The following TBXAS1 variants were observed in gnomAD, a reference collection of about 807,000 sequenced individuals.
TBXAS1 encodes the protein thromboxane A synthase 1, also known as thromboxane-A synthase.
TBXAS1 carries 48 observed loss-of-function variants against 60.7 expected under a neutral mutation model. That is an observed-to-expected ratio of 0.79 (90% CI 0.63 to 1.01). The LOEUF (loss-of-function observed/expected upper bound fraction) is 1.01. Among genes scored for constraint, TBXAS1 ranks in the 50% least tolerant of loss-of-function variants. The pLI is 0.00. For synonymous variants in TBXAS1, 287 were observed against 269.7 expected (o/e 1.06, Z -0.63); for missense variants, 685 against 686.3 (o/e 1.00, Z 0.02).
Position 139,969,457 on chromosome 7 carries a change from CAAAA to C in TBXAS1, c.1134+7246_1134+7249del, listed in dbSNP as rs71170928. ...GAAAAAAAAGCATATTATGTGCTTA[CAAAA>C]AAAAAAAAAAAAAAAAAAAAAGCCG... is the stretch of plus-strand genomic sequence containing the variant. On this transcript the variant is annotated intron_variant, in intron 9 of 12. Transcript: ENST00000448866. 1.8e-4 allele frequency among the ~76,000 whole-genome samples: 18 copies of C among 101,024 alleles called. No homozygotes were observed. In the East Asian group the frequency reaches 2.8e-3, roughly 16 times the overall value. The allele number at this position is 101,024 out of a possible 152,430, so 66.3% of individuals were successfully genotyped here. A position where few individuals can be genotyped will look rare whatever the true frequency, so the allele number is the denominator to read the frequency against.
chr7:139,983,250 A>G (rs1460833203), intron 9 of TBXAS1, among the ~76,000 whole-genome samples: 2 of 152,172 alleles, frequency 1.3e-5, no homozygotes, highest in Non-Finnish European at 2.9e-5. Context: ...TTGGTGCCTC[A>G]GGAGGTCTCA....
At chr7:139,797,707 G>A (rs1797609654) in intron 4 of TBXAS1, among the ~76,000 whole-genome samples, 1 of 152,146 alleles carries the variant, frequency 6.6e-6, no homozygotes, top group Admixed American at 6.5e-5. Flanking sequence ...GGAAAAGGTA[G>A]ACGAATGAAG....
intron 9 of TBXAS1, among the ~76,000 whole-genome samples, chr7:139,994,380 A>G (rs1378760465): frequency 1.3e-5 from 2 of 152,162 alleles, no homozygotes; most frequent in East Asian, 1.9e-4. Context: ...TGGTCTCCCA[A>G]TGCCAGCTGA....
rs569539874 is a variant in TBXAS1, at chr7:139,904,015, G to A, written c.237-7210G>A. On this transcript the variant is annotated intron_variant, in intron 3 of 12. Transcript: ENST00000448866. Reference sequence around the variant, plus strand: ...CATTTGCTTTTGGGTTCTTGGTCACGAAATCCTTGTCTAAACCAATGTCTA... The same window carrying A: ...CATTTGCTTTTGGGTTCTTGGTCACAAAATCCTTGTCTAAACCAATGTCTA... 7.9e-5 allele frequency among the ~76,000 whole-genome samples: 12 copies of A among 152,122 alleles called. No individual in the cohort carries two copies. The South Asian group carries it at 8.3e-4, about 11-fold the overall frequency.
intron 4 of TBXAS1, among the ~76,000 whole-genome samples, chr7:139,796,548 A>G (rs1797577447): frequency 6.6e-6 from 1 of 152,250 alleles, no homozygotes; most frequent in Non-Finnish European, 1.5e-5. Context: ...CCTGTCTGGT[A>G]CTGCAATGGT....
intron 4 of TBXAS1, among the ~76,000 whole-genome samples, chr7:139,928,187 G>A (rs1241013884): frequency 2.6e-5 from 4 of 152,142 alleles, no homozygotes; most frequent in Non-Finnish European, 5.9e-5. Flanking sequence ...ACTGAAAGTT[G>A]TTATTATGAA....
At chr7:139,873,101 A>G (rs529097746) in intron 2 of TBXAS1, among the ~76,000 whole-genome samples, 14 of 152,214 alleles carry the variant, frequency 9.2e-5, no homozygotes, top group Non-Finnish European at 1.2e-4. Flanking sequence ...GAACTTCCTG[A>G]AGAAGGAGGT....
At chr7:139,889,135 C>T (rs930533116) in intron 3 of TBXAS1, among the ~76,000 whole-genome samples, 1 of 151,820 alleles carries the variant, frequency 6.6e-6, no homozygotes, top group Non-Finnish European at 1.5e-5. Context: ...GAGTTTGAGA[C>T]AGCCTGGGCA....
chr7:139,960,226 G>T (rs1020034373), intron 8 of TBXAS1, among the ~76,000 whole-genome samples: 10 of 152,154 alleles, frequency 6.6e-5, no homozygotes, highest in African/African-American at 2.4e-4. Flanking sequence ...CAAGGCTGGG[G>T]TGCAGTAGAG....
chr7:139,880,625 G>A (rs1462533861), intron 3 of TBXAS1, among the ~76,000 whole-genome samples: 1 of 152,108 alleles, frequency 6.6e-6, no homozygotes, highest in Non-Finnish European at 1.5e-5. Flanking sequence ...AATGGTATTT[G>A]GGAAATTGTC....
intron 9 of TBXAS1, among the ~76,000 whole-genome samples, chr7:140,005,932 C>T (rs1200863801): frequency 2.0e-5 from 3 of 152,194 alleles, no homozygotes; most frequent in East Asian, 3.9e-4. Flanking sequence ...TGACCCTTGC[C>T]CATCCCGGAG....
At chr7:139,980,229 C>A (rs1489320776) in intron 9 of TBXAS1, among the ~76,000 whole-genome samples, 2 of 152,182 alleles carry the variant, frequency 1.3e-5, no homozygotes, top group Admixed American at 6.5e-5. Flanking sequence ...ACATGCTTTT[C>A]TTTTCTAAAG....
chr7:139,823,809 G>A (rs1300306786), intron 4 of TBXAS1, among the ~76,000 whole-genome samples: 3 of 152,184 alleles, frequency 2.0e-5, no homozygotes, highest in Admixed American at 6.5e-5. Context: ...TTATCAACCT[G>A]GGAATGAAAA....
At chr7:139,790,281 A>C (rs182575283) in intron 4 of TBXAS1, among the ~76,000 whole-genome samples, 119 of 152,356 alleles carry the variant, frequency 7.8e-4, no homozygotes, top group Non-Finnish European at 1.4e-3. Context: ...TTTGGGTTTC[A>C]TGTTGAAACA....
intron 4 of TBXAS1, among the ~76,000 whole-genome samples, chr7:139,918,557 G>T (rs1159617516): frequency 2.0e-5 from 3 of 152,258 alleles, no homozygotes; most frequent in Non-Finnish European, 1.5e-5. Flanking sequence ...GAGTTAACAA[G>T]CCCCCAGATT....
chr7:139,911,106 C>T (rs1037885755), intron 3 of TBXAS1, 119 bp from the exon 4 acceptor site: 1 of 856,438 alleles, frequency 1.2e-6, no homozygotes, highest in Non-Finnish European at 2.0e-6. Context: ...TCCTCATCGT[C>T]TCCATACCTT....
At chr7:139,978,075 C>T (rs1811689465) in intron 9 of TBXAS1, among the ~76,000 whole-genome samples, 1 of 152,122 alleles carries the variant, frequency 6.6e-6, no homozygotes, top group Non-Finnish European at 1.5e-5. Flanking sequence ...GGCTTGTGGC[C>T]AGCTGTTCCT....
In TBXAS1 at chr7:139,962,217, T is replaced by G; in HGVS notation, c.1118T>G (p.Val373Gly). 1 of 1,614,130 alleles carries G rather than the reference T, an allele frequency of 6.2e-7. No individual in the cohort carries two copies. The highest frequency in any genetic ancestry group is 8.5e-7 in the Non-Finnish European group (1 of 1,180,034). The stretch of plus-strand genomic sequence containing the variant: ...GAGAAGCTTCTGAGAGAGGTAGACG[T>G]TTTTAAGGAGAAACACGTGAGTACA... ...CQEKLLREVDVFKEKHMAPEF... is the reference protein window; with the variant it reads ...CQEKLLREVDGFKEKHMAPEF... Residue 373 changes from valine to glycine, a missense_variant, in exon 9 of 13, where the codon GTT (valine) becomes GGT (glycine). Physicochemically the swap from Val to Gly is moderately radical, Grantham distance 109. Transcript: ENST00000448866.
intron 1 of TBXAS1, among the ~76,000 whole-genome samples, chr7:139,844,515 T>C (rs1231588307): frequency 6.6e-6 from 1 of 152,238 alleles, no homozygotes; most frequent in Non-Finnish European, 1.5e-5. Flanking sequence ...TACCAAATTA[T>C]AATTCCACTC....
Sources: allele counts gnomAD v4.1 joint callset (sites outside exome capture counted in the v4.1 genomes callset), GRCh38; gene constraint gnomAD v4.1.1; transcripts MANE v1.5; gene names NCBI Gene and HGNC (gene_info 2026-07-23, HGNC 2026-07-21).